The following KMT2A variants were observed in gnomAD, a reference collection of about 807,000 sequenced individuals.
The protein encoded by KMT2A is histone-lysine N-methyltransferase 2A.
KMT2A carries 16 observed loss-of-function variants against 345.3 expected under a neutral mutation model. The observed-to-expected ratio is 0.05, with a 90% confidence interval of 0.03 to 0.07. KMT2A has a LOEUF of 0.07. Ranked by LOEUF, KMT2A falls within the 10% of genes least tolerant of loss-of-function variation. KMT2A has a pLI of 1.00. For synonymous variants in KMT2A, 1,599 were observed against 1,778.6 expected (o/e 0.90, Z 2.54); for missense variants, 3,272 against 4,841.6 (o/e 0.68, Z 9.62).
chr11:118,439,845 G>A (rs1555139714), intron 1 of KMT2A, among the ~76,000 whole-genome samples: 1 of 152,028 alleles, frequency 6.6e-6, no homozygotes, highest in African/African-American at 2.4e-5. Flanking sequence ...TGGTGTTTGA[G>A]GCAATCCAGT....
rs782764234 is a variant in KMT2A, at chr11:118,505,908, C to G, written c.10016C>G (p.Ser3339Cys). 6.2e-7 allele frequency: 1 copy of G among 1,614,194 alleles called. No individual in the cohort carries two copies. Among genetic ancestry groups the G allele is most frequent in the South Asian group, 1.1e-5 (1 of 91,078 alleles). ...TCAGGGTCTGTGTCTGGCTTGGCAT[C>G]CAGTTCCTCTGTCTTGAATGTTGTA... ...LTSGSVSGLA[S>C]SSSVLNVVSM... Residue 3339 changes from serine (S) to cysteine (C), a missense_variant, in exon 27 of 36, where the codon TCC becomes TGC. Transcript: ENST00000534358. This position sits in a 1 kb window ranked among gnomAD's most constrained non-coding sequence, Gnocchi z 4.6.
At chr11:118,517,926 C>A in intron 31 of KMT2A, among the ~76,000 whole-genome samples, 1 of 151,848 alleles carries the variant, frequency 6.6e-6, no homozygotes. Context: ...ACTCTGTTGC[C>A]CAAGCTGGAG....
At chr11:118,441,375 T>C (rs1268462534) in intron 1 of KMT2A, among the ~76,000 whole-genome samples, 1 of 152,144 alleles carries the variant, frequency 6.6e-6, no homozygotes, top group Non-Finnish European at 1.5e-5. Flanking sequence ...GGAAAAAACA[T>C]AAGGACTTTG....
chr11:118,492,491 A>ATGGTAGTG (rs1950340850), intron 15 of KMT2A, among the ~76,000 whole-genome samples: 1 of 152,222 alleles, frequency 6.6e-6, no homozygotes, highest in African/African-American at 2.4e-5. Context: ...CATCCTGGCT[A>ATGGTAGTG]ACACGGTGAA....
chr11:118,471,264 G>C (rs1949937539), intron 2 of KMT2A, among the ~76,000 whole-genome samples: 1 of 152,172 alleles, frequency 6.6e-6, no homozygotes, highest in Non-Finnish European at 1.5e-5. Flanking sequence ...CTAACTAGAA[G>C]CATATTCTTA....
chr11:118,503,686 C>T lies in KMT2A; in HGVS notation c.7794C>T (p.Asp2598=). 4 of 1,614,184 alleles carry T rather than the reference C, an allele frequency of 2.5e-6. No individual in the cohort carries two copies. Among genetic ancestry groups the T allele is most frequent in the South Asian group, 1.1e-5 (1 of 91,090 alleles). Residue 2598 remains aspartate (D), a synonymous_variant, in exon 27 of 36, where the codon GAC becomes GAT. Transcript: ENST00000534358. This position sits in a 1 kb window ranked among gnomAD's most constrained non-coding sequence, Gnocchi z 5.3. The part of the protein sequence containing the change: ...SNNYQNLPVQ[D]RNLMLPDGPK... ...ACTATCAGAATCTTCCAGTACAGGA[C>T]AGAAACCTAATGCTTCCAGATGGCC...
chr11:118,480,307 G>A, intron 6 of KMT2A, 69 bp downstream of exon 6: 2 of 1,156,940 alleles, frequency 1.7e-6, no homozygotes, highest in Non-Finnish European at 1.3e-6. Flanking sequence ...TATACACCCA[G>A]TAGAAGAGAA....
Position 118,496,393 on chromosome 11 carries a change from T to G in KMT2A, c.5664+26T>G. On this transcript the variant is annotated intron_variant, in intron 20 of 35. Coordinates refer to ENST00000534358, the MANE Select transcript of KMT2A (RefSeq NM_001197104.2). This position sits in a 1 kb window ranked among gnomAD's most constrained non-coding sequence, Gnocchi z 4.7. ...GTAAGTACTTTGCAACACAGGGCCC[T>G]AGTTAATACATACTCCAAAAGAACT... 1.2e-3 allele frequency: 1,520 copies of G among 1,290,032 alleles called. No individual in the cohort carries two copies. Among genetic ancestry groups the G allele is most frequent in the Non-Finnish European group, 1.5e-3 (1,365 of 886,532 alleles). 79.9% of individuals were successfully genotyped at this position (1,290,032 alleles called of 1,614,324 possible). A position where few individuals can be genotyped will look rare whatever the true frequency, so the allele number is the denominator to read the frequency against.
intron 1 of KMT2A, 176 bp from the exon 2 acceptor site, chr11:118,468,599 G>A: frequency 3.5e-6 from 2 of 571,614 alleles, no homozygotes; most frequent in Admixed American, 4.8e-5. Flanking sequence ...AAAGCTGTAT[G>A]GCTGGGTCCA....
chr11:118,505,591 G>T lies in KMT2A; in HGVS notation c.9699G>T (p.Lys3233Asn). 1.9e-6 allele frequency: 3 copies of T among 1,614,070 alleles called. No individual in the cohort carries two copies. The highest frequency in any genetic ancestry group is 2.5e-6 in the Non-Finnish European group (3 of 1,179,994). Residue 3233 changes from lysine to asparagine, a missense_variant, in exon 27 of 36, where the codon AAG (lysine) becomes AAT (asparagine). By Grantham distance (94) the Lys-to-Asn change is moderately conservative. This residue lies in a region of KMT2A where 748 missense variants were observed against 922.2 expected (regional missense o/e 0.81). Coordinates refer to ENST00000534358, the MANE Select transcript of KMT2A (RefSeq NM_001197104.2). This position sits in a 1 kb window ranked among gnomAD's most constrained non-coding sequence, Gnocchi z 4.6. ...CCATATCTCGTCTACAGACCCGAAAGAATAAAAAACTTGCTCCCTCTAGTA... is the reference window on the plus strand; with the variant it reads ...CCATATCTCGTCTACAGACCCGAAATAATAAAAAACTTGCTCCCTCTAGTA... ...KRPISRLQTR[K>N]NKKLAPSSTP...
Position 118,505,948 on chromosome 11 carries a change from C to T in KMT2A, c.10056C>T (p.Thr3352=). ...SVLNVVSMQT[T]TTPTSSASVP... is the part of the protein sequence containing the mutation. ...TGAATGTTGTATCCATGCAAACTAC[C>T]ACAACCCCTACAAGTAGTGCGTCAG... Residue 3352 remains threonine, a synonymous_variant, in exon 27 of 36, where the codon ACC becomes ACT. Transcript: ENST00000534358. This position sits in a 1 kb window ranked among gnomAD's most constrained non-coding sequence, Gnocchi z 4.6. 1 of 1,614,152 alleles carries T rather than the reference C, an allele frequency of 6.2e-7. No homozygotes were observed. The highest frequency in any genetic ancestry group is 8.5e-7 in the Non-Finnish European group (1 of 1,180,038).
chr11:118,493,110 C>G lies in KMT2A; in HGVS notation c.5058C>G (p.Arg1686=). ...AGACAGAGGAGAGTATACCTTCCCG[C>G]AGCTCCCCCGAAGGACCTGATCCAC... The part of the protein sequence containing the change: ...NPETEESIPS[R]SSPEGPDPPV... Residue 1686 remains arginine (R), a synonymous_variant, in exon 16 of 36, where the codon CGC becomes CGG. Coordinates refer to ENST00000534358, the MANE Select transcript of KMT2A (RefSeq NM_001197104.2). This position sits in a 1 kb window ranked among gnomAD's most constrained non-coding sequence, Gnocchi z 5.8. 6.2e-7 allele frequency: 1 copy of G among 1,614,022 alleles called. No homozygotes were observed. The highest frequency in any genetic ancestry group is 1.1e-5 in the South Asian group (1 of 91,070).
In KMT2A at chr11:118,525,631, A is replaced by T; in HGVS notation, c.*3459A>T. The T allele has an allele frequency of 4.4e-6, 1 of 228,966 alleles. No individual in the cohort carries two copies. Among genetic ancestry groups the T allele is most frequent in the Non-Finnish European group, 8.7e-6 (1 of 115,426 alleles). The allele number at this position is 228,966 out of a possible 1,614,324, so 14.2% of individuals were successfully genotyped here. On this transcript the variant is annotated 3_prime_UTR_variant, in exon 36 of 36. Coordinates refer to ENST00000534358, the MANE Select transcript of KMT2A (RefSeq NM_001197104.2). ...AAAATAAAAAAAAAAGGAAAAAAAA[A>T]TACAACACACACACAAAAATAAAAA...
rs1437526128 is a variant in KMT2A at position 118,436,642 on chromosome 11, C to T, written c.130C>T (p.Pro44Ser). The change falls in exon 1 of 36, where the codon CCC (proline) becomes TCC (serine). Residue 44 changes from proline (P) to serine (S), a missense_variant. Coordinates refer to ENST00000534358, the MANE Select transcript of KMT2A (RefSeq NM_001197104.2). The surrounding 1 kb of genome is among the most constrained non-coding windows in gnomAD (Gnocchi z 6.9). ...RVPALLLPPG[P>S]PVGGGGPGAP... ...CCCGGCCCTGCTGCTTCCCCCCGGG[C>T]CCCCGGTCGGCGGTGGCGGCCCCGG... 5 of 1,154,862 alleles carry T rather than the reference C, an allele frequency of 4.3e-6. No homozygotes were observed. The highest frequency in any genetic ancestry group is 4.3e-6 in the Non-Finnish European group (4 of 935,044). 71.5% of individuals were successfully genotyped at this position (1,154,862 alleles called of 1,614,324 possible). A position where few individuals can be genotyped will look rare whatever the true frequency, so the allele number is the denominator to read the frequency against.
Position 118,472,749 on chromosome 11 carries a change from G to C in KMT2A, c.1590G>C (p.Arg530Ser), listed in dbSNP as rs140221671. 6.2e-7 allele frequency: 1 copy of C among 1,613,624 alleles called. No homozygotes were observed. The highest frequency in any genetic ancestry group is 8.5e-7 in the Non-Finnish European group (1 of 1,179,952). ...ENESNDRRSR[R>S]YSVSERSFGS... is the part of the protein sequence containing the mutation. ...AGAGTAATGATAGGAGAAGCAGAAG[G>C]TATTCAGTGTCGGAGAGAAGTTTTG... The change falls in exon 3 of 36, where the codon AGG becomes AGC. Residue 530 changes from arginine (R) to serine (S), a missense_variant. This residue lies in a region of KMT2A where 180 missense variants were observed against 190.7 expected (regional missense o/e 0.94). Transcript: ENST00000534358.
In KMT2A at chr11:118,453,427, C is replaced by T. The variant is rs138154606; in HGVS notation, c.433-15348C>T. On this transcript the variant is annotated intron_variant, in intron 1 of 35. Coordinates refer to ENST00000534358, the MANE Select transcript of KMT2A (RefSeq NM_001197104.2). ...TTTTTTTTTTTAACATTGTACTCAC[C>T]TGTTTTTCTTCTTAACTCATTGGCT... Among the ~76,000 whole-genome samples, 246 of 152,090 alleles carry T rather than the reference C, an allele frequency of 1.6e-3. 2 individuals carry two copies. Among genetic ancestry groups the T allele is most frequent in the African/African-American group, 5.8e-3 (241 of 41,478 alleles).
Position 118,502,896 on chromosome 11 carries a change from C to T in KMT2A, c.7004C>T (p.Ala2335Val), listed in dbSNP as rs188435877. The change falls in exon 27 of 36, where the codon GCC becomes GTC. Residue 2335 changes from alanine to valine, a missense_variant. Physicochemically the swap from Ala to Val is moderately conservative, Grantham distance 64. Transcript: ENST00000534358. The surrounding 1 kb of genome is among the most constrained non-coding windows in gnomAD (Gnocchi z 4.9). ...GCTTACCCTGGAATTCCTAAACTGG[C>T]CCCACAGGTTCATAACACAACATCT... ...NVAYPGIPKLAPQVHNTTSRE... is the reference protein window; with the variant it reads ...NVAYPGIPKLVPQVHNTTSRE... The T allele has an allele frequency of 8.1e-6, 13 of 1,614,136 alleles. No individual in the cohort carries two copies. The Admixed American group carries it at 1.3e-4, about 17-fold the overall frequency.
Position 118,498,301 on chromosome 11 carries a change from A to G in KMT2A, c.5803-69A>G, listed in dbSNP as rs1950442724. 1 of 1,418,996 alleles carries G rather than the reference A, an allele frequency of 7.0e-7. No homozygotes were observed. The allele number at this position is 1,418,996 out of a possible 1,614,324, so 87.9% of individuals were successfully genotyped here. A position where few individuals can be genotyped will look rare whatever the true frequency, so the allele number is the denominator to read the frequency against. On this transcript the variant is annotated intron_variant, in intron 21 of 35. Coordinates refer to ENST00000534358, the MANE Select transcript of KMT2A (RefSeq NM_001197104.2). The surrounding 1 kb of genome is among the most constrained non-coding windows in gnomAD (Gnocchi z 4.4). ...GAACTGTAGAATGGGATGAGTCTAT[A>G]GAGGAGACGGTAAACGTCTTAAAAC...
rs538430308 is a variant in KMT2A at position 118,521,807 on chromosome 11, A to G, written c.11644-90A>G. ...ACTAGAAGAAACTTTCTCAGCCGCT[A>G]TAGGTAACATCAAGAGAAGATTGGG... On this transcript the variant is annotated intron_variant, in intron 35 of 35. Coordinates refer to ENST00000534358, the MANE Select transcript of KMT2A (RefSeq NM_001197104.2). The surrounding 1 kb of genome is among the most constrained non-coding windows in gnomAD (Gnocchi z 5.3). 2.9e-5 allele frequency: 40 copies of G among 1,368,424 alleles called. No individual in the cohort carries two copies. Among genetic ancestry groups the G allele is most frequent in the Non-Finnish European group, 3.5e-5 (35 of 987,526 alleles). The allele number at this position is 1,368,424 out of a possible 1,614,324, so 84.8% of individuals were successfully genotyped here.
Sources: allele counts gnomAD v4.1 joint callset (sites outside exome capture counted in the v4.1 genomes callset), GRCh38; gene constraint gnomAD v4.1.1; regional missense constraint gnomAD v4.1.1; non-coding constraint Gnocchi (gnomAD v3.1); transcripts MANE v1.5; gene names NCBI Gene and HGNC (gene_info 2026-07-23, HGNC 2026-07-21).